The following INSL3 variants were observed in gnomAD, a reference collection of about 807,000 sequenced individuals.
INSL3 encodes insulin like 3.
INSL3 carries 6 observed loss-of-function variants against 5.5 expected under a neutral mutation model. The ratio of observed to expected loss-of-function variants is 1.08; its 90% CI spans 0.59 to 2.14. The LOEUF is 2.14. INSL3 is among the 30% of genes most tolerant of loss of function. The pLI is 0.00. For synonymous variants in INSL3, 86 were observed against 82.1 expected (o/e 1.05, Z -0.26); for missense variants, 178 against 184.7 (o/e 0.96, Z 0.21).
intron 1 of INSL3, chr19:17,820,639 CA>C (rs1298016038): frequency 1.2e-5 from 2 of 162,904 alleles, no homozygotes; most frequent in African/African-American, 4.8e-5. Context: ...GCCTGGGCGT[CA>C]GAGTGAGACC....
At chr19:17,817,933 G>A (rs554079184) in intron 1 of INSL3, among the ~76,000 whole-genome samples, 30 of 151,862 alleles carry the variant, frequency 2.0e-4, no homozygotes, top group South Asian at 1.9e-3. Context: ...TGCCACCTGA[G>A]TGCCCCATGC....
chr19:17,819,265 ATAT>A (rs2094192158), intron 1 of INSL3, among the ~76,000 whole-genome samples: 1 of 150,078 alleles, frequency 6.7e-6, no homozygotes, highest in Non-Finnish European at 1.5e-5. Context: ...AATAATATTA[ATAT>A]TTTTCCCTTT....
intron 1 of INSL3, 36 bp from the exon 2 acceptor site, chr19:17,817,095 G>T: frequency 6.3e-7 from 1 of 1,587,326 alleles, no homozygotes; most frequent in South Asian, 1.1e-5. Context: ...GAACGGAAAC[G>T]ACAGAGGACA....
At chr19:17,817,217 C>T (rs2094189146) in intron 1 of INSL3, 158 bp from the exon 2 acceptor site, 2 of 771,290 alleles carry the variant, frequency 2.6e-6, no homozygotes, top group Admixed American at 2.0e-5. Context: ...GTGGCTTACA[C>T]CTGTAATCCC....
rs1273993827 is a variant in INSL3 at position 17,816,752 on chromosome 19, G to A, written c.*102C>T. On this transcript the variant is annotated 3_prime_UTR_variant, in exon 2 of 2. Coordinates refer to ENST00000317306, the MANE Select transcript of INSL3 (RefSeq NM_005543.4). ...GCACCCATCCCAGGAGGTAATCAAA[G>A]GCCTGTAGATGCGAGACTTTATGGT... The A allele has an allele frequency of 1.8e-6, 2 of 1,135,378 alleles. No individual in the cohort carries two copies. Among genetic ancestry groups the A allele is most frequent in the Non-Finnish European group, 2.6e-6 (2 of 766,156 alleles). The allele number at this position is 1,135,378 out of a possible 1,614,324, so 70.3% of individuals were successfully genotyped here.
intron 1 of INSL3, 150 bp from the exon 2 acceptor site, chr19:17,817,209 G>A (rs1238376782): frequency 6.2e-6 from 5 of 806,014 alleles, no homozygotes; most frequent in Non-Finnish European, 1.0e-5. Context: ...CGGGTGCAGT[G>A]GCTTACACCT....
At chr19:17,820,085 C>T (rs1238076713) in intron 1 of INSL3, among the ~76,000 whole-genome samples, 1 of 150,812 alleles carries the variant, frequency 6.6e-6, no homozygotes, top group African/African-American at 2.4e-5. Context: ...CACTTCAGCC[C>T]GGGTGACAGA....
chr19:17,821,204 C>T (rs2094195033), intron 1 of INSL3, 113 bp downstream of exon 1: 3 of 1,249,710 alleles, frequency 2.4e-6, no homozygotes, highest in Non-Finnish European at 3.4e-6. Context: ...GCAGGTGAGC[C>T]CTGGGCACAT....
Position 17,817,077 on chromosome 19 carries a change from C to G in INSL3, c.191-18G>C. On this transcript the variant is annotated intron_variant, in intron 1 of 1. Coordinates refer to ENST00000317306, the MANE Select transcript of INSL3 (RefSeq NM_005543.4). ...CAACTCACCTGGGGACAGAGTGAAACTCAGCTGGAACGGAAACGACAGAGG... is the reference window on the plus strand; with the variant it reads ...CAACTCACCTGGGGACAGAGTGAAAGTCAGCTGGAACGGAAACGACAGAGG... The G allele has an allele frequency of 1.2e-6, 2 of 1,610,204 alleles. No homozygotes were observed. Among genetic ancestry groups the G allele is most frequent in the South Asian group, 1.1e-5 (1 of 90,786 alleles).
chr19:17,820,418 A>G (rs754644669), intron 1 of INSL3: 10 of 388,998 alleles, frequency 2.6e-5, no homozygotes, highest in Non-Finnish European at 4.5e-5. Flanking sequence ...AACACTTTGG[A>G]AGGTCAAGGT....
Position 17,816,858 on chromosome 19 carries a change from T to G in INSL3, c.392A>C (p.Tyr131Ser). 6.2e-7 allele frequency: 1 copy of G among 1,613,136 alleles called. No individual in the cohort carries two copies. Among genetic ancestry groups the G allele is most frequent in the Non-Finnish European group, 8.5e-7 (1 of 1,179,932 alleles). The change falls in exon 2 of 2, where the codon TAC becomes TCC. Residue 131 changes from tyrosine (Y) to serine (S), a missense_variant. By Grantham distance (144) the Tyr-to-Ser change is moderately radical. Transcript: ENST00000317306. ...TQQDLLTLCP[Y>S] ...GAGGCTGCACCCAAGGAGGAATCAGTAGGGACAGAGGGTCAGCAGGTCTTG... is the reference window on the plus strand; with the variant it reads ...GAGGCTGCACCCAAGGAGGAATCAGGAGGGACAGAGGGTCAGCAGGTCTTG...
At position 17,816,776 on chromosome 19, in the gene INSL3, G is replaced by A; in HGVS notation, c.*78C>T. The A allele has an allele frequency of 1.4e-6, 2 of 1,386,630 alleles. No homozygotes were observed. The highest frequency in any genetic ancestry group is 1.2e-5 in the South Asian group (1 of 85,812). The allele number at this position is 1,386,630 out of a possible 1,614,324, so 85.9% of individuals were successfully genotyped here. A position where few individuals can be genotyped will look rare whatever the true frequency, so the allele number is the denominator to read the frequency against. On this transcript the variant is annotated 3_prime_UTR_variant, in exon 2 of 2. Transcript: ENST00000317306. ...AGGCCTGTAGATGCGAGACTTTATG[G>A]TGCTGTGTGGCCTCAGGAGCTCACC... is the stretch of plus-strand genomic sequence containing the variant.
At chr19:17,817,814 A>AAAAAAAAAC (rs2094190110) in intron 1 of INSL3, among the ~76,000 whole-genome samples, 1 of 149,194 alleles carries the variant, frequency 6.7e-6, no homozygotes, top group Non-Finnish European at 1.5e-5. Context: ...AAAAAAAAAA[A>AAAAAAAAAC]AAAAGCGAGC....
At chr19:17,820,266 A>G (rs545271678) in intron 1 of INSL3, 22 of 275,446 alleles carry the variant, frequency 8.0e-5, no homozygotes, top group Non-Finnish European at 2.8e-5. Flanking sequence ...TTTGGGTGAC[A>G]GAGCGAGGCT....
intron 1 of INSL3, 53 bp from the exon 2 acceptor site, chr19:17,817,112 C>G: frequency 6.6e-7 from 1 of 1,521,482 alleles, no homozygotes; most frequent in Non-Finnish European, 9.0e-7. Context: ...GACATGCTAC[C>G]CCATGCTGCA....
chr19:17,820,811 CTTTCT>C (rs1353272438), intron 1 of INSL3, among the ~76,000 whole-genome samples: 1 of 121,914 alleles, frequency 8.2e-6, no homozygotes, highest in Non-Finnish European at 1.6e-5. Flanking sequence ...GCTCTGAGGA[CTTTCT>C]TTTTTTTTTT....
chr19:17,819,459 T>C lies in INSL3; in HGVS notation c.190+1858A>G, dbSNP rs548073052. Among the ~76,000 whole-genome samples, 3 of 152,038 alleles carry C rather than the reference T, an allele frequency of 2.0e-5. No homozygotes were observed. In the East Asian group the frequency reaches 5.8e-4, roughly 29 times the overall value. On this transcript the variant is annotated intron_variant, in intron 1 of 1. Transcript: ENST00000317306. ...ACTTTTAAAATAAAATTTAAAATAT[T>C]TGTAAAAAGGCCAGGCACAGCGGCT... is the stretch of plus-strand genomic sequence containing the variant.
chr19:17,821,460 G>A lies in INSL3; in HGVS notation c.47C>T (p.Ala16Val), dbSNP rs371536959. The A allele has an allele frequency of 1.3e-5, 20 of 1,528,328 alleles. No individual in the cohort carries two copies. In the African/African-American group the frequency reaches 2.6e-4, roughly 20 times the overall value. The allele number at this position is 1,528,328 out of a possible 1,614,324, so 94.7% of individuals were successfully genotyped here. Residue 16 changes from alanine (A) to valine (V), a missense_variant, in exon 1 of 2, where the codon GCC becomes GTC. Transcript: ENST00000317306. ...CGCGGGGCCCAACGCGAACACCAGG[G>A]CAGGGCCCAGCAGCACCAGCGCCCA... ...PAWALVLLGP[A>V]LVFALGPAPT...
Position 17,817,022 on chromosome 19 carries a change from G to A in INSL3, c.228C>T (p.Leu76=), listed in dbSNP as rs760245021. ...LLQWLERRHL[L]HGLVADSNLT... ...GATTACTGTCGGCCACCAGCCCATG[G>A]AGCAGATGTCGTCTCTCCAGCCACT... The change falls in exon 2 of 2, where the codon CTC becomes CTT. Residue 76 remains leucine (L), a synonymous_variant. Transcript: ENST00000317306. The A allele has an allele frequency of 6.8e-6, 11 of 1,613,664 alleles. No homozygotes were observed. Among genetic ancestry groups the A allele is most frequent in the Non-Finnish European group, 9.3e-6 (11 of 1,179,914 alleles).
Sources: allele counts gnomAD v4.1 joint callset (sites outside exome capture counted in the v4.1 genomes callset), GRCh38; gene constraint gnomAD v4.1.1; transcripts MANE v1.5; gene names NCBI Gene and HGNC (gene_info 2026-07-23, HGNC 2026-07-21).